Variants in SPEF2 observed in about 807,000 individuals in gnomAD.
SPEF2 encodes sperm flagella and cilia-associated protein 2.
Under a neutral mutation model 224.6 loss-of-function variants are expected in SPEF2, and 187 were observed. That is an observed-to-expected ratio of 0.83 (90% confidence interval 0.74 to 0.94). The LOEUF is 0.94. Ranked by LOEUF, SPEF2 falls within the 40% of genes least tolerant of loss-of-function variation. SPEF2 has a pLI of 0.00. For missense variants in SPEF2, 2,170 were observed against 2,135.6 expected (o/e 1.02, Z -0.32); for synonymous variants, 715 against 707.3 (o/e 1.01, Z -0.17).
At chr5:35,776,755 A>G (rs1252445679) in intron 29 of SPEF2, among the ~76,000 whole-genome samples, 1 of 152,228 alleles carries the variant, frequency 6.6e-6, no homozygotes, top group Non-Finnish European at 1.5e-5. Context: ...TGGTAGATTT[A>G]TTATCAGTCA....
At chr5:35,773,867 C>T (rs1445370251) in intron 27 of SPEF2, 26 bp from the exon 28 acceptor site, 1 of 1,603,160 alleles carries the variant, frequency 6.2e-7, no homozygotes, top group Non-Finnish European at 8.5e-7. Context: ...TGTTAGTTTA[C>T]TCAGCATGTT....
At chr5:35,626,926 C>A (rs1744344451) in intron 1 of SPEF2, among the ~76,000 whole-genome samples, 1 of 152,098 alleles carries the variant, frequency 6.6e-6, no homozygotes, top group Non-Finnish European at 1.5e-5. Flanking sequence ...CCAAGCATCG[C>A]TTCTACAAAT....
intron 24 of SPEF2, among the ~76,000 whole-genome samples, chr5:35,755,698 C>A (rs561862329): frequency 6.6e-6 from 1 of 152,286 alleles, no homozygotes; most frequent in African/African-American, 2.4e-5. Context: ...CAACCTCTGC[C>A]TCCCAGATTC....
chr5:35,671,472 A>G (rs1414896515), intron 10 of SPEF2: 2 of 982,172 alleles, frequency 2.0e-6, no homozygotes, highest in African/African-American at 3.5e-5. Context: ...GACCTATTAC[A>G]TCCACCTAAA....
At chr5:35,759,791 C>G in intron 25 of SPEF2, 72 bp downstream of exon 25, 1 of 1,341,740 alleles carries the variant, frequency 7.5e-7, no homozygotes, top group East Asian at 2.5e-5. Context: ...TTAATTACCA[C>G]TAATAAAAAT....
At chr5:35,788,983 C>G in intron 30 of SPEF2, 2 of 701,750 alleles carry the variant, frequency 2.9e-6, no homozygotes, top group South Asian at 3.0e-5. Flanking sequence ...AGGCAGCCCT[C>G]CAGAACTTTC....
At chr5:35,643,608 A>C (rs2149406414) in intron 3 of SPEF2, 1 of 454,002 alleles carries the variant, frequency 2.2e-6, no homozygotes, top group Non-Finnish European at 4.4e-6. Context: ...GGAAAGAGGA[A>C]TATGCAATCA....
At chr5:35,737,823 C>T (rs1746882836) in intron 21 of SPEF2, among the ~76,000 whole-genome samples, 1 of 152,122 alleles carries the variant, frequency 6.6e-6, no homozygotes, top group African/African-American at 2.4e-5. Context: ...AGTTTACAGT[C>T]CCACCAACAG....
intron 33 of SPEF2, among the ~76,000 whole-genome samples, chr5:35,796,201 C>T (rs762385906): frequency 6.6e-6 from 1 of 152,232 alleles, no homozygotes; most frequent in African/African-American, 2.4e-5. Context: ...GGTTTGCCTA[C>T]AGCATTGCCC....
chr5:35,802,778 G>A (rs1757599149), intron 34 of SPEF2, among the ~76,000 whole-genome samples: 1 of 152,210 alleles, frequency 6.6e-6, no homozygotes, highest in Non-Finnish European at 1.5e-5. Context: ...CAGGCTGAAG[G>A]AGAGTAACAG....
intron 20 of SPEF2, among the ~76,000 whole-genome samples, chr5:35,723,870 T>C (rs1744189545): frequency 6.6e-6 from 1 of 152,174 alleles, no homozygotes; most frequent in Admixed American, 6.5e-5. Context: ...AAATGCAAAA[T>C]ACATTGGGTT....
At chr5:35,689,593 G>A (rs1176540819) in intron 10 of SPEF2, among the ~76,000 whole-genome samples, 1 of 152,136 alleles carries the variant, frequency 6.6e-6, no homozygotes, top group African/African-American at 2.4e-5. Context: ...ACTTGTAAGT[G>A]AGAATGCAGC....
chr5:35,686,688 G>A (rs1313437247), intron 10 of SPEF2, among the ~76,000 whole-genome samples: 1 of 151,946 alleles, frequency 6.6e-6, no homozygotes, highest in Non-Finnish European at 1.5e-5. Context: ...GTACATCATT[G>A]CTTTATCTGG....
intron 23 of SPEF2, 82 bp from the exon 24 acceptor site, chr5:35,753,542 C>A (rs1750002672): frequency 2.5e-6 from 4 of 1,582,142 alleles, no homozygotes. Flanking sequence ...TTAAGAGAGG[C>A]AAAGGATTTT....
At chr5:35,790,258 A>G in intron 30 of SPEF2, 1 of 642,906 alleles carries the variant, frequency 1.6e-6, no homozygotes, top group South Asian at 1.8e-5. Flanking sequence ...GACATTAATA[A>G]TTTTGACCCT....
Position 35,654,700 on chromosome 5 carries a change from C to T in SPEF2, c.952C>T (p.Gln318Ter). ...AAGACGGCGGAAATTGTTAATGGAC[C>T]AGTTAATAGCCCACGAAGCACAAGA... ...EKRRRKLLMD[Q>*]LIAHEAQEEA... Residue 318 changes from glutamine to a stop codon, truncating the protein, a stop_gained, in exon 7 of 37, where the codon CAG becomes TAG. Transcript: ENST00000356031. LOFTEE classifies it high-confidence loss of function. 2 of 1,608,576 alleles carry T rather than the reference C, an allele frequency of 1.2e-6. No homozygotes were observed. Among genetic ancestry groups the T allele is most frequent in the Non-Finnish European group, 1.7e-6 (2 of 1,178,822 alleles).
chr5:35,787,505 G>GT (rs2149819405), intron 30 of SPEF2, among the ~76,000 whole-genome samples: 1 of 152,308 alleles, frequency 6.6e-6, no homozygotes, highest in East Asian at 1.9e-4. Flanking sequence ...CAAGACGCGT[G>GT]TAAGAGGGAA....
In SPEF2 at chr5:35,659,205, GCGGTAAATAC is replaced by G; in HGVS notation, c.1167_1167+9del. ...TTTCCAGGATGCTCTTGATCGAGAA[GCGGTAAATAC>G]CATCTTCCTTAGAAATCTTTCTAAG... On this transcript the variant is annotated splice_donor_variant and splice_donor_5th_base_variant and coding_sequence_variant and intron_variant, in exon 8 of 37. Transcript: ENST00000356031. LOFTEE classifies it high-confidence loss of function. 1 of 1,604,238 alleles carries G rather than the reference GCGGTAAATAC, an allele frequency of 6.2e-7. No individual in the cohort carries two copies. Among genetic ancestry groups the G allele is most frequent in the Non-Finnish European group, 8.5e-7 (1 of 1,174,150 alleles).
intron 20 of SPEF2, among the ~76,000 whole-genome samples, chr5:35,721,780 C>T (rs925912583): frequency 2.6e-5 from 4 of 152,106 alleles, no homozygotes; most frequent in Non-Finnish European, 4.4e-5. Flanking sequence ...GGGTGGGGTC[C>T]TTTAAGAGAC....
Sources: allele counts gnomAD v4.1 joint callset (sites outside exome capture counted in the v4.1 genomes callset), GRCh38; gene constraint gnomAD v4.1.1; transcripts MANE v1.5; gene names NCBI Gene and HGNC (gene_info 2026-07-23, HGNC 2026-07-21).